The following GPR137B variants were observed in gnomAD, a reference collection of about 807,000 sequenced individuals.
GPR137B encodes integral membrane protein GPR137B.
GPR137B carries 42 observed loss-of-function variants against 42.5 expected under a neutral mutation model. The ratio of observed to expected loss-of-function variants is 0.99; its 90% CI spans 0.77 to 1.28. The LOEUF is 1.28. GPR137B is among the 50% of genes most tolerant of loss of function. The pLI is 0.00. For synonymous variants in GPR137B, 218 were observed against 209.7 expected (o/e 1.04, Z -0.34); for missense variants, 487 against 493.9 (o/e 0.99, Z 0.13).
At chr1:236,203,055 G>A (rs750907196) in intron 5 of GPR137B, among the ~76,000 whole-genome samples, 1 of 151,868 alleles carries the variant, frequency 6.6e-6, no homozygotes, top group African/African-American at 2.4e-5. Flanking sequence ...TGTTCTATTG[G>A]TCTATGTGTC....
chr1:236,156,681 C>T lies in GPR137B; in HGVS notation c.415-12025C>T, dbSNP rs139221814. 1.1e-4 allele frequency among the ~76,000 whole-genome samples: 17 copies of T among 152,286 alleles called. No homozygotes were observed. In the East Asian group the frequency reaches 2.3e-3, roughly 21 times the overall value. On this transcript the variant is annotated intron_variant, in intron 1 of 6. Coordinates refer to ENST00000366592, the MANE Select transcript of GPR137B (RefSeq NM_003272.4). This position sits in a 1 kb window ranked among gnomAD's most constrained non-coding sequence, Gnocchi z 4.8. ...ACTCCGGTGTCTGGATTTCGGGGAC[C>T]GACTGTCTTGTCACCCTGCTCTGCT...
At chr1:236,204,762 T>G (rs971169790) in intron 5 of GPR137B, among the ~76,000 whole-genome samples, 2 of 152,160 alleles carry the variant, frequency 1.3e-5, no homozygotes, top group African/African-American at 2.4e-5. Flanking sequence ...CTGTTCGGGT[T>G]TTAGTCTTTC....
At chr1:236,180,518 T>G (rs1354685941) in intron 4 of GPR137B, among the ~76,000 whole-genome samples, 1 of 152,200 alleles carries the variant, frequency 6.6e-6, no homozygotes, top group Non-Finnish European at 1.5e-5. Flanking sequence ...CCTGCCTTGT[T>G]CCCTTTTGAG....
At chr1:236,162,426 A>C (rs1014218266) in intron 1 of GPR137B, among the ~76,000 whole-genome samples, 1 of 152,260 alleles carries the variant, frequency 6.6e-6, no homozygotes, top group African/African-American at 2.4e-5. Context: ...GAAGAAATTC[A>C]AGCACGCTAC....
intron 2 of GPR137B, among the ~76,000 whole-genome samples, chr1:236,173,101 G>A (rs1662591893): frequency 2.6e-5 from 4 of 151,444 alleles, no homozygotes; most frequent in Admixed American, 6.6e-5. Context: ...AAGACCAGCC[G>A]TGACAACAGA....
chr1:236,178,887 TC>T (rs1662783951), intron 3 of GPR137B, among the ~76,000 whole-genome samples: 1 of 136,726 alleles, frequency 7.3e-6, no homozygotes, highest in Non-Finnish European at 1.5e-5. Flanking sequence ...AAGCTCCGCC[TC>T]CCAGGTTCAC....
intron 6 of GPR137B, 40 bp downstream of exon 6, chr1:236,205,290 G>T (rs372483736): frequency 1.6e-5 from 26 of 1,578,684 alleles, no homozygotes; most frequent in Non-Finnish European, 2.2e-5. Flanking sequence ...TCATCAGGAG[G>T]GAAGGGTTAC....
At chr1:236,149,422 G>A (rs1009342034) in intron 1 of GPR137B, among the ~76,000 whole-genome samples, 13 of 152,184 alleles carry the variant, frequency 8.5e-5, no homozygotes, top group African/African-American at 2.9e-4. Context: ...TGCTACAGAC[G>A]CCACACTCTG....
rs1313121121 is a variant in GPR137B, at chr1:236,208,665, C to T, written c.*507C>T. On this transcript the variant is annotated 3_prime_UTR_variant, in exon 7 of 7. Coordinates refer to ENST00000366592, the MANE Select transcript of GPR137B (RefSeq NM_003272.4). ...TAGACTCCTAAAATACAGTTGACAA[C>T]TTAGCCAATTGCAACTCCAGTGTTG... The T allele has an allele frequency of 3.0e-6, 3 of 985,490 alleles. No homozygotes were observed. The highest frequency in any genetic ancestry group is 3.6e-6 in the Non-Finnish European group (3 of 829,780). 61.0% of individuals were successfully genotyped at this position (985,490 alleles called of 1,614,324 possible).
chr1:236,170,485 A>T (rs1372361684), intron 2 of GPR137B, among the ~76,000 whole-genome samples: 3 of 151,956 alleles, frequency 2.0e-5, no homozygotes, highest in Non-Finnish European at 4.4e-5. Flanking sequence ...TTTTCACCTG[A>T]TCTTGCTGTC....
At position 236,150,512 on chromosome 1, in the gene GPR137B, T is replaced by TGCCCTGCCACCTTCTCCAGCCA. The variant is rs1354383251; in HGVS notation, c.414+7485_414+7486insCCTTCTCCAGCCAGCCCTGCCA. Among the ~76,000 whole-genome samples, 1 of 152,174 alleles carries TGCCCTGCCACCTTCTCCAGCCA rather than the reference T, an allele frequency of 6.6e-6. No homozygotes were observed. Among genetic ancestry groups the TGCCCTGCCACCTTCTCCAGCCA allele is most frequent in the African/African-American group, 2.4e-5 (1 of 41,436 alleles). On this transcript the variant is annotated intron_variant, in intron 1 of 6. Coordinates refer to ENST00000366592, the MANE Select transcript of GPR137B (RefSeq NM_003272.4). This position sits in a 1 kb window ranked among gnomAD's most constrained non-coding sequence, Gnocchi z 6.2. ...TGTGACCGCATCAGTGCCTCGGTGA[T>TGCCCTGCCACCTTCTCCAGCCA]GCCCTGCCAACCGAGGGGGAACTAA... is the stretch of plus-strand genomic sequence containing the variant.
chr1:236,203,118 C>A (rs916784136), intron 5 of GPR137B, among the ~76,000 whole-genome samples: 1 of 152,098 alleles, frequency 6.6e-6, no homozygotes, highest in Non-Finnish European at 1.5e-5. Context: ...TGCTCTGTCG[C>A]CCAGGCTGGA....
intron 2 of GPR137B, among the ~76,000 whole-genome samples, chr1:236,170,543 C>A (rs976926402): frequency 6.6e-6 from 1 of 152,118 alleles, no homozygotes; most frequent in Non-Finnish European, 1.5e-5. Flanking sequence ...CTACCAGGCT[C>A]AGGTGGAACT....
At chr1:236,175,810 C>T (rs1219325290) in intron 2 of GPR137B, among the ~76,000 whole-genome samples, 3 of 152,192 alleles carry the variant, frequency 2.0e-5, no homozygotes, top group Non-Finnish European at 4.4e-5. Context: ...GGAACACCTC[C>T]AGCCCTAGAC....
intron 1 of GPR137B, among the ~76,000 whole-genome samples, chr1:236,166,484 T>TTATATATAATATATATATTTA (rs373361122): frequency 3.3e-4 from 46 of 139,576 alleles, no homozygotes; most frequent in African/African-American, 1.3e-3. Context: ...TTATATATAT[T>TTATATATAATATATATATTTA]TATATATACA....
intron 1 of GPR137B, among the ~76,000 whole-genome samples, chr1:236,151,401 G>T (rs559353684): frequency 6.7e-6 from 1 of 150,348 alleles, no homozygotes; most frequent in Non-Finnish European, 1.5e-5. Flanking sequence ...GCCACATATG[G>T]TCTCTGTTGC....
chr1:236,161,874 C>T (rs372945547), intron 1 of GPR137B, among the ~76,000 whole-genome samples: 2 of 152,118 alleles, frequency 1.3e-5, no homozygotes, highest in Admixed American at 6.6e-5. Flanking sequence ...TTCCTAGTCT[C>T]GGGTATGTCT....
chr1:236,173,354 G>A (rs1662601235), intron 2 of GPR137B, among the ~76,000 whole-genome samples: 1 of 149,206 alleles, frequency 6.7e-6, no homozygotes, highest in Admixed American at 6.7e-5. Flanking sequence ...GAGAGAGAGA[G>A]AAAGGAAGAA....
At chr1:236,178,765 C>CCA in intron 3 of GPR137B, 129 bp downstream of exon 3, 1 of 371,102 alleles carries the variant, frequency 2.7e-6, no homozygotes, top group Non-Finnish European at 5.2e-6. Context: ...TTATTGTCTC[C>CCA]CACACAGGGG....
Sources: gnomAD v4.1 joint callset for allele counts (sites outside exome capture counted in the v4.1 genomes callset) on GRCh38, gnomAD v4.1.1 for gene constraint, Gnocchi (gnomAD v3.1) non-coding constraint, MANE v1.5 for transcripts, NCBI Gene and HGNC (gene_info 2026-07-23, HGNC 2026-07-21) for gene names.